The following CHSY1 variants were observed in gnomAD, a reference collection of about 807,000 sequenced individuals.
The protein encoded by CHSY1 is chondroitin sulfate synthase 1, also known as N-acetylgalactosaminyl-proteoglycan 3-beta-glucuronosyltransferase 1.
Under a neutral mutation model 59.8 loss-of-function variants are expected in CHSY1, and 13 were observed. The ratio of observed to expected loss-of-function variants is 0.22; its 90% CI spans 0.14 to 0.35. CHSY1 has a LOEUF of 0.35. Among genes scored for constraint, CHSY1 ranks in the 10% least tolerant of loss-of-function variants. The probability of loss-of-function intolerance (pLI) is 1.00; values close to 1 mark genes in which losing one functional copy is unlikely to be tolerated. For missense variants in CHSY1, 947 were observed against 1,030.6 expected, an observed-to-expected ratio of 0.92 and a Z score of 1.11; for synonymous variants, 459 against 401.2, an observed-to-expected ratio of 1.14 and a Z score of -1.72.
chr15:101,219,051 A>T (rs1346437658), intron 2 of CHSY1, among the ~76,000 whole-genome samples: 1 of 152,154 alleles, frequency 6.6e-6, no homozygotes, highest in Non-Finnish European at 1.5e-5. Flanking sequence ...ATCTCTCTAC[A>T]AGCAGTACAA....
intron 2 of CHSY1, among the ~76,000 whole-genome samples, chr15:101,180,140 G>GT (rs1217353310): frequency 6.6e-6 from 1 of 152,190 alleles, no homozygotes; most frequent in Admixed American, 6.5e-5. Flanking sequence ...TGCAACTACC[G>GT]TTTAATAGTA....
intron 2 of CHSY1, among the ~76,000 whole-genome samples, chr15:101,184,384 T>C (rs2038324688): frequency 8.6e-6 from 1 of 116,800 alleles, no homozygotes; most frequent in Non-Finnish European, 1.9e-5. Flanking sequence ...ATATATATAA[T>C]TTTTTTTTTT....
intron 1 of CHSY1, among the ~76,000 whole-genome samples, chr15:101,245,535 A>G (rs965203281): frequency 6.6e-6 from 1 of 152,174 alleles, no homozygotes; most frequent in African/African-American, 2.4e-5. Flanking sequence ...TGCAGAGACT[A>G]GGGCCCTGTA....
At chr15:101,204,901 T>C (rs572676123) in intron 2 of CHSY1, among the ~76,000 whole-genome samples, 1 of 151,656 alleles carries the variant, frequency 6.6e-6, no homozygotes, top group African/African-American at 2.4e-5. Context: ...CGAGACTCCA[T>C]CCCCCCGCCA....
chr15:101,189,109 C>T, intron 2 of CHSY1, among the ~76,000 whole-genome samples: 1 of 152,232 alleles, frequency 6.6e-6, no homozygotes, highest in East Asian at 1.9e-4. Flanking sequence ...ATGTCACGTA[C>T]AGAGAAGAAA....
chr15:101,197,453 G>C (rs1193739852), intron 2 of CHSY1, among the ~76,000 whole-genome samples: 1 of 152,138 alleles, frequency 6.6e-6, no homozygotes, highest in Admixed American at 6.5e-5. Context: ...GGAACCCTAA[G>C]GGAAACGTTT....
chr15:101,185,691 C>T (rs975699889), intron 2 of CHSY1, among the ~76,000 whole-genome samples: 32 of 140,928 alleles, frequency 2.3e-4, no homozygotes, highest in Non-Finnish European at 4.2e-4. Flanking sequence ...ATGTTCTCCT[C>T]GAAATATCTT....
At position 101,176,648 on chromosome 15, in the gene CHSY1, T is replaced by G; in HGVS notation, c.*740A>C. On this transcript the variant is annotated 3_prime_UTR_variant, in exon 3 of 3. Transcript: ENST00000254190. The stretch of plus-strand genomic sequence containing the variant: ...GTCTCTACTAAAAATACAAAAAAAC[T>G]AGCTGGGCGTGGTGGTGTGTGCCTG... The G allele has an allele frequency of 2.9e-6, 1 of 343,502 alleles. No homozygotes were observed. The highest frequency in any genetic ancestry group is 5.2e-6 in the Non-Finnish European group (1 of 192,330). 21.3% of individuals were successfully genotyped at this position (343,502 alleles called of 1,614,324 possible).
At chr15:101,250,251 A>C (rs2039093176) in intron 1 of CHSY1, among the ~76,000 whole-genome samples, 1 of 152,226 alleles carries the variant, frequency 6.6e-6, no homozygotes, top group African/African-American at 2.4e-5. Flanking sequence ...TCCATACAGT[A>C]AGTGTCTCTA....
intron 2 of CHSY1, chr15:101,187,986 C>CAAAT: frequency 1.0e-6 from 1 of 982,112 alleles, no homozygotes; most frequent in Non-Finnish European, 1.2e-6. Flanking sequence ...CTTTGGTTAA[C>CAAAT]AAATACCTTC....
chr15:101,204,229 T>A (rs565829145), intron 2 of CHSY1, among the ~76,000 whole-genome samples: 1 of 151,798 alleles, frequency 6.6e-6, no homozygotes, highest in Non-Finnish European at 1.5e-5. Flanking sequence ...AGGTCAGGAG[T>A]TCGAGACTAG....
At chr15:101,193,991 C>G (rs970396957) in intron 2 of CHSY1, among the ~76,000 whole-genome samples, 1 of 152,252 alleles carries the variant, frequency 6.6e-6, no homozygotes, top group Non-Finnish European at 1.5e-5. Flanking sequence ...CCACCTTCTT[C>G]CTCCATGTGC....
intron 2 of CHSY1, among the ~76,000 whole-genome samples, chr15:101,233,094 GC>G (rs1437385280): frequency 6.6e-6 from 1 of 152,206 alleles, no homozygotes. Context: ...CTCAGAGGGG[GC>G]TCCAAGTGTC....
At chr15:101,233,901 C>T (rs970473135) in intron 2 of CHSY1, among the ~76,000 whole-genome samples, 4 of 152,152 alleles carry the variant, frequency 2.6e-5, no homozygotes, top group Non-Finnish European at 4.4e-5. Flanking sequence ...AACATTAGTT[C>T]AGAAAAAAGC....
chr15:101,187,661 C>G (rs572619608), intron 2 of CHSY1: 1 of 152,266 alleles, frequency 6.6e-6, no homozygotes, highest in Non-Finnish European at 1.5e-5. Context: ...ACAACTCAAT[C>G]TAGACAGGTT....
chr15:101,235,840 T>C (rs1017706066), intron 1 of CHSY1, among the ~76,000 whole-genome samples: 2 of 152,176 alleles, frequency 1.3e-5, no homozygotes, highest in African/African-American at 2.4e-5. Flanking sequence ...AAAACCAAAC[T>C]GCCAGGGGAC....
At chr15:101,239,867 A>G (rs1429140024) in intron 1 of CHSY1, among the ~76,000 whole-genome samples, 2 of 152,324 alleles carry the variant, frequency 1.3e-5, no homozygotes, top group Admixed American at 1.3e-4. Context: ...GCTTCATTAT[A>G]GTTTGGCCCT....
chr15:101,206,037 A>G (rs1414465637), intron 2 of CHSY1, among the ~76,000 whole-genome samples: 1 of 152,166 alleles, frequency 6.6e-6, no homozygotes, highest in African/African-American at 2.4e-5. Context: ...GTTCCTATAG[A>G]CAGTAATACG....
At chr15:101,227,535 T>A (rs970571011) in intron 2 of CHSY1, among the ~76,000 whole-genome samples, 13 of 152,150 alleles carry the variant, frequency 8.5e-5, no homozygotes, top group African/African-American at 2.7e-4. Context: ...GGGAATAAGA[T>A]GCAATATGGG....
Sources: allele counts gnomAD v4.1 joint callset (sites outside exome capture counted in the v4.1 genomes callset), GRCh38; gene constraint gnomAD v4.1.1; transcripts MANE v1.5; gene names NCBI Gene and HGNC (gene_info 2026-07-23, HGNC 2026-07-21).